ETDB: variants seen among roughly 807,000 people sequenced by gnomAD.
The protein encoded by ETDB is embryonic testis differentiation protein homolog B.
chrX:135,120,398 C>T (rs1313985067), intron 1 of ETDB, 42 bp downstream of exon 1: 5 of 100,883 alleles, frequency 5.0e-5, no homozygotes, highest in African/African-American at 1.8e-4. Flanking sequence ...GTTAATGGCA[C>T]AAAAGGATGC....
At chrX:135,120,202 C>T (rs1210161312) in intron 1 of ETDB, among the ~76,000 whole-genome samples, 1 of 94,734 alleles carries the variant, frequency 1.1e-5, no homozygotes, top group African/African-American at 3.9e-5. Flanking sequence ...TTTTGACCTC[C>T]CAAGAGAGAC....
At chrX:135,120,240 G>A (rs2083518455) in intron 1 of ETDB, among the ~76,000 whole-genome samples, 200 bp downstream of exon 1, 1 of 103,935 alleles carries the variant, frequency 9.6e-6, no homozygotes, top group South Asian at 4.6e-4. Flanking sequence ...TGACAGAGAG[G>A]TGAGATTGGA....
chrX:135,120,274 C>G (rs1467602126), intron 1 of ETDB, among the ~76,000 whole-genome samples, 166 bp downstream of exon 1: 1 of 108,733 alleles, frequency 9.2e-6, no homozygotes, highest in African/African-American at 3.4e-5. Flanking sequence ...GTATCTGAAG[C>G]TTCTGCTTTT....
intron 2 of ETDB, 67 bp from the exon 3 acceptor site, chrX:135,119,377 CCACACACACACA>C (rs781948350): frequency 4.6e-6 from 1 of 219,645 alleles, no homozygotes; most frequent in African/African-American, 4.7e-5. Context: ...TGGCACAAAA[CCACACACACACA>C]CACACACACA....
At chrX:135,120,353 C>G (rs1270375800) in intron 1 of ETDB, 87 bp downstream of exon 1, 1 of 108,741 alleles carries the variant, frequency 9.2e-6, no homozygotes, top group Admixed American at 9.9e-5. Context: ...CCCCCATTAC[C>G]AAACAGGGTT....
intron 1 of ETDB, 91 bp downstream of exon 1, chrX:135,120,349 T>A (rs782719404): frequency 4.6e-5 from 5 of 109,137 alleles, no homozygotes; most frequent in African/African-American, 1.7e-4. Flanking sequence ...CCTCCCCCCA[T>A]TACCAAACAG....
At chrX:135,120,366 G>T (rs1231797356) in intron 1 of ETDB, 74 bp downstream of exon 1, 7 of 106,910 alleles carry the variant, frequency 6.5e-5, no homozygotes, top group Non-Finnish European at 1.2e-4. Flanking sequence ...ACAGGGTTGG[G>T]GTTTATCAGG....
rs1290812462 is a variant in ETDB, at chrX:135,120,246, T to C, written c.-288+194A>G. 1.1e-4 allele frequency among the ~76,000 whole-genome samples: 12 copies of C among 105,015 alleles called. 1 individual carries two copies. The highest frequency in any genetic ancestry group is 3.5e-4 in the African/African-American group (10 of 28,660). The allele number at this position is 105,015 out of a possible 115,157, so 91.2% of individuals were successfully genotyped here. A position where few individuals can be genotyped will look rare whatever the true frequency, so the allele number is the denominator to read the frequency against. ...TTGCCCAAGTGACAGAGAGGTGAGA[T>C]TGGAACTGAGAAAGCCTGTATCTGA... On this transcript the variant is annotated intron_variant, in intron 1 of 2. Coordinates refer to ENST00000423661, the MANE Select transcript of ETDB (RefSeq NM_001355519.1).
intron 1 of ETDB, among the ~76,000 whole-genome samples, chrX:135,120,231 G>C (rs1304340229): frequency 2.9e-5 from 3 of 102,318 alleles, no homozygotes; most frequent in African/African-American, 1.1e-4. Context: ...TTGCCCAAGT[G>C]ACAGAGAGGT....
intron 1 of ETDB, among the ~76,000 whole-genome samples, 160 bp downstream of exon 1, chrX:135,120,280 C>G (rs1556403017): frequency 1.8e-5 from 2 of 109,183 alleles, no homozygotes; most frequent in Non-Finnish European, 1.9e-5. Context: ...GAAGCTTCTG[C>G]TTTTACCCAC....
Sources: gnomAD v4.1 joint callset for allele counts (sites outside exome capture counted in the v4.1 genomes callset) on GRCh38, gnomAD v4.1.1 for gene constraint, MANE v1.5 for transcripts, NCBI Gene and HGNC (gene_info 2026-07-23, HGNC 2026-07-21) for gene names.